Variants in PLPP1 observed in about 807,000 individuals in gnomAD.
The protein encoded by PLPP1 is lipid phosphate phosphohydrolase 1a.
A neutral mutation model predicts 31.2 loss-of-function variants in PLPP1; 24 were observed. The ratio of observed to expected loss-of-function variants is 0.77; its 90% CI spans 0.56 to 1.08. PLPP1 has a LOEUF of 1.08. Ranked by LOEUF, PLPP1 falls within the 50% of genes least tolerant of loss-of-function variation. The pLI is 0.00. For synonymous variants in PLPP1, 146 were observed against 126.3 expected (o/e 1.16, Z -1.05); for missense variants, 319 against 342.7 (o/e 0.93, Z 0.55).
chr5:55,495,836 T>TTTTTG (rs1204720611), intron 1 of PLPP1, among the ~76,000 whole-genome samples: 11 of 151,956 alleles, frequency 7.2e-5, no homozygotes, highest in African/African-American at 2.7e-4. Flanking sequence ...ACTGAGATCA[T>TTTTTG]TTTTGTTTTG....
At chr5:55,513,364 G>A (rs546601238) in intron 1 of PLPP1, among the ~76,000 whole-genome samples, 31 of 148,734 alleles carry the variant, frequency 2.1e-4, no homozygotes, top group Admixed American at 1.9e-3. Context: ...GGGTTCAAGC[G>A]ATTCTCCTGC....
At chr5:55,500,713 C>T (rs1475413958) in intron 1 of PLPP1, among the ~76,000 whole-genome samples, 1 of 152,012 alleles carries the variant, frequency 6.6e-6, no homozygotes, top group Non-Finnish European at 1.5e-5. Flanking sequence ...AAGAAAAAAG[C>T]AGTGTGAAGA....
At chr5:55,425,837 T>G in intron 5 of PLPP1, 26 bp downstream of exon 5, 2 of 1,526,136 alleles carry the variant, frequency 1.3e-6, no homozygotes, top group Non-Finnish European at 1.8e-6. Context: ...AATATCAAGA[T>G]GTAGGCTGTT....
At chr5:55,512,468 CAAAA>C (rs370927824) in intron 1 of PLPP1, among the ~76,000 whole-genome samples, 276 of 10,162 alleles carry the variant, frequency 0.027, 6 homozygotes, top group African/African-American at 0.036. Flanking sequence ...AAGACTGTCT[CAAAA>C]AAAAAAAAAA....
In PLPP1 at chr5:55,424,929, GT is replaced by G; in HGVS notation, c.*276del. 1 of 634,036 alleles carries G rather than the reference GT, an allele frequency of 1.6e-6. No individual in the cohort carries two copies. Among genetic ancestry groups the G allele is most frequent in the East Asian group, 2.8e-5 (1 of 36,090 alleles). The allele number at this position is 634,036 out of a possible 1,614,324, so 39.3% of individuals were successfully genotyped here. A position where few individuals can be genotyped will look rare whatever the true frequency, so the allele number is the denominator to read the frequency against. ...TTCATAGAAAGCATATTACATACAT[GT>G]TTATACATAAGCATTACATTTTTTT... On this transcript the variant is annotated 3_prime_UTR_variant, in exon 6 of 6. Coordinates refer to ENST00000307259, the MANE Select transcript of PLPP1 (RefSeq NM_003711.4).
At chr5:55,438,529 T>C (rs1751546857) in intron 4 of PLPP1, among the ~76,000 whole-genome samples, 1 of 152,216 alleles carries the variant, frequency 6.6e-6, no homozygotes, top group Non-Finnish European at 1.5e-5. Context: ...AATCTGAGAC[T>C]GACTCATGAA....
chr5:55,430,958 A>C (rs779025168), intron 4 of PLPP1, among the ~76,000 whole-genome samples: 8 of 152,182 alleles, frequency 5.3e-5, no homozygotes, highest in Non-Finnish European at 1.0e-4. Flanking sequence ...TAGATCCAAC[A>C]GTTTCAACAA....
intron 3 of PLPP1, among the ~76,000 whole-genome samples, chr5:55,448,449 C>CA (rs568192581): frequency 7.8e-6 from 1 of 128,248 alleles, no homozygotes; most frequent in African/African-American, 2.9e-5. Context: ...ATTCTAGCAC[C>CA]TTTTTTTTTT....
At chr5:55,488,713 C>T (rs1184055182) in intron 1 of PLPP1, among the ~76,000 whole-genome samples, 2 of 152,050 alleles carry the variant, frequency 1.3e-5, no homozygotes, top group African/African-American at 4.8e-5. Flanking sequence ...CTAAAGGAAA[C>T]ATCAAAATGC....
At chr5:55,508,723 T>G (rs191458383) in intron 1 of PLPP1, 2 of 153,966 alleles carry the variant, frequency 1.3e-5, no homozygotes, top group African/African-American at 4.8e-5. Flanking sequence ...AACTTTTAGC[T>G]GAGGTATCAT....
At chr5:55,473,346 T>G (rs1055778215) in intron 2 of PLPP1, among the ~76,000 whole-genome samples, 1 of 152,184 alleles carries the variant, frequency 6.6e-6, no homozygotes, top group Admixed American at 6.5e-5. Flanking sequence ...ACCTAGGACA[T>G]GCTGGGCTCC....
chr5:55,498,017 A>G (rs111558890), intron 1 of PLPP1, among the ~76,000 whole-genome samples: 305 of 151,584 alleles, frequency 2.0e-3, no homozygotes, highest in Middle Eastern at 0.01. Flanking sequence ...GGGGCAATGG[A>G]AGATAAGCAG....
intron 1 of PLPP1, among the ~76,000 whole-genome samples, chr5:55,528,293 C>T (rs564029497): frequency 7.2e-5 from 11 of 152,250 alleles, no homozygotes; most frequent in African/African-American, 2.4e-4. Flanking sequence ...AGTAAACAGA[C>T]AAATCATTTA....
intron 1 of PLPP1, among the ~76,000 whole-genome samples, chr5:55,521,503 C>T (rs1753666851): frequency 2.0e-5 from 3 of 151,724 alleles, no homozygotes; most frequent in Non-Finnish European, 2.9e-5. Flanking sequence ...GGCAACAGAG[C>T]GAGACTCTGT....
chr5:55,442,700 A>C (rs1379831634), intron 3 of PLPP1, among the ~76,000 whole-genome samples: 1 of 151,904 alleles, frequency 6.6e-6, no homozygotes. Flanking sequence ...CTTGCCTTAC[A>C]TTTCCCACCA....
At position 55,468,308 on chromosome 5, in the gene PLPP1, G is replaced by C. The variant is rs1752348581; in HGVS notation, c.211-159C>G. On this transcript the variant is annotated intron_variant, in intron 2 of 5. Transcript: ENST00000307259. ...TTCTTTACAATGGAGAGTCAACTTA[G>C]GATATCCAATTCTAAACCACAAAAC... The C allele has an allele frequency of 6.4e-6, 4 of 626,454 alleles. No homozygotes were observed. In the East Asian group the frequency reaches 1.1e-4, roughly 18 times the overall value. 38.8% of individuals were successfully genotyped at this position (626,454 alleles called of 1,614,324 possible).
chr5:55,511,650 G>GTT (rs1158182340), intron 1 of PLPP1, among the ~76,000 whole-genome samples: 587 of 51,488 alleles, frequency 0.011, 148 homozygotes, highest in African/African-American at 0.038. Flanking sequence ...CACGTGTTGA[G>GTT]TTTTTTTTTT....
rs912445296 is a variant in PLPP1, at chr5:55,534,675, G to C, written c.-46C>G. On this transcript the variant is annotated 5_prime_UTR_variant, in exon 1 of 6. Transcript: ENST00000307259. The stretch of plus-strand genomic sequence containing the variant: ...GGCAAGGGCGATGGACTGAGCTGCG[G>C]GACGGCGGCCGAGGCCCTTGATTCT... 6.6e-7 allele frequency: 1 copy of C among 1,511,184 alleles called. No homozygotes were observed. The highest frequency in any genetic ancestry group is 2.1e-5 in the Admixed American group (1 of 47,696). The allele number at this position is 1,511,184 out of a possible 1,614,324, so 93.6% of individuals were successfully genotyped here. A position where few individuals can be genotyped will look rare whatever the true frequency, so the allele number is the denominator to read the frequency against.
chr5:55,504,524 C>CA lies in PLPP1; in HGVS notation c.59-29075dup, dbSNP rs70995703. On this transcript the variant is annotated intron_variant, in intron 1 of 5. Transcript: ENST00000307259. ...TGGGAGACAGAGCAAGACTCCATCT[C>CA]AAAAAAAAAAAAAAAAAAAAAAAAA... 1.3e-3 allele frequency among the ~76,000 whole-genome samples: 72 copies of CA among 54,268 alleles called. 1 individual carries two copies. Among genetic ancestry groups the CA allele is most frequent in the East Asian group, 0.01 (18 of 1,780 alleles). The allele number at this position is 54,268 out of a possible 152,430, so 35.6% of individuals were successfully genotyped here.
Sources: allele counts gnomAD v4.1 joint callset (sites outside exome capture counted in the v4.1 genomes callset), GRCh38; gene constraint gnomAD v4.1.1; transcripts MANE v1.5; gene names NCBI Gene and HGNC (gene_info 2026-07-23, HGNC 2026-07-21).